IYD: variants seen among roughly 807,000 people sequenced by gnomAD.
The protein encoded by IYD is iodotyrosine deiodinase 1.
In IYD, 25 loss-of-function variants were observed where a neutral mutation model predicts 28.4. The ratio of observed to expected loss-of-function variants is 0.88; its 90% CI spans 0.64 to 1.23. The LOEUF is 1.23. Ranked by LOEUF, IYD falls within the 50% of genes most tolerant of loss-of-function variation. The pLI, the probability that IYD is intolerant of heterozygous loss-of-function variation, is 0.00. For synonymous variants in IYD, 140 were observed against 130.8 expected, an observed-to-expected ratio of 1.07 and a Z score of -0.48; for missense variants, 352 against 357.9, an observed-to-expected ratio of 0.98 and a Z score of 0.13.
In IYD at chr6:150,389,479, A is replaced by C; in HGVS notation, c.306A>C (p.Ser102=). 3 of 1,614,078 alleles carry C rather than the reference A, an allele frequency of 1.9e-6. No homozygotes were observed. Among genetic ancestry groups the C allele is most frequent in the East Asian group, 2.2e-5 (1 of 44,858 alleles). The change falls in exon 2 of 5, where the codon TCA becomes TCC. Residue 102 remains serine (S), a synonymous_variant. Coordinates refer to ENST00000344419, the MANE Select transcript of IYD (RefSeq NM_203395.3). ...EFYELLNKRR[S]VRFISNEQVP... ...ATGAACTTCTCAATAAGAGACGGTCAGTCAGGTTCATAAGTAATGAGCAAG... is the reference window on the plus strand; with the variant it reads ...ATGAACTTCTCAATAAGAGACGGTCCGTCAGGTTCATAAGTAATGAGCAAG...
chr6:150,370,114 G>A, intron 1 of IYD: 1 of 691,302 alleles, frequency 1.4e-6, no homozygotes, highest in South Asian at 1.5e-5. Context: ...TCTTCAGCTG[G>A]GCTAATGATG....
At chr6:150,382,589 T>G (rs949234188) in intron 1 of IYD, among the ~76,000 whole-genome samples, 7 of 151,260 alleles carry the variant, frequency 4.6e-5, no homozygotes, top group Non-Finnish European at 1.0e-4. Flanking sequence ...TCCAATTAAA[T>G]GGTTAGACCT....
chr6:150,404,919 G>T lies in IYD; in HGVS notation c.*6682G>T, dbSNP rs542674616. The stretch of plus-strand genomic sequence containing the variant: ...ATGAAGTTAGTGCCAAAGTCTCAGT[G>T]GTTCTCTTGGTCTTTCTTCATAACC... On this transcript the variant is annotated 3_prime_UTR_variant, in exon 5 of 5. Transcript: ENST00000344419. 6.6e-6 allele frequency: 1 copy of T among 152,140 alleles called. No individual in the cohort carries two copies. The highest frequency in any genetic ancestry group is 1.5e-5 in the Non-Finnish European group (1 of 68,032). The allele number at this position is 152,140 out of a possible 1,614,324, so 9.4% of individuals were successfully genotyped here.
chr6:150,393,745 T>C (rs1368346923), intron 3 of IYD, among the ~76,000 whole-genome samples: 1 of 152,224 alleles, frequency 6.6e-6, no homozygotes, highest in East Asian at 1.9e-4. Flanking sequence ...TATAACTGGG[T>C]GAACAGCATT....
Position 150,389,430 on chromosome 6 carries a change from T to A in IYD, c.257T>A (p.Met86Lys). The A allele has an allele frequency of 1.2e-6, 2 of 1,613,572 alleles. No homozygotes were observed. The highest frequency in any genetic ancestry group is 1.7e-6 in the Non-Finnish European group (2 of 1,179,596). The change falls in exon 2 of 5, where the codon ATG becomes AAG. Residue 86 changes from methionine to lysine, a missense_variant. By Grantham distance (95) the Met-to-Lys change is moderately conservative. Coordinates refer to ENST00000344419, the MANE Select transcript of IYD (RefSeq NM_203395.3). ...CATAACCACTATCCTGAGAAGGAAATGGTTAAGAGGTCTCAGGAATTTTAT... is the reference window on the plus strand; with the variant it reads ...CATAACCACTATCCTGAGAAGGAAAAGGTTAAGAGGTCTCAGGAATTTTAT... ...FSHNHYPEKE[M>K]VKRSQEFYEL...
intron 1 of IYD, among the ~76,000 whole-genome samples, chr6:150,379,610 G>C (rs968764315): frequency 6.6e-6 from 1 of 152,188 alleles, no homozygotes; most frequent in Admixed American, 6.5e-5. Flanking sequence ...TAAGGTTATT[G>C]TTCCAAAGAG....
intron 1 of IYD, among the ~76,000 whole-genome samples, chr6:150,379,545 A>G (rs771086896): frequency 1.3e-5 from 2 of 152,224 alleles, no homozygotes; most frequent in Admixed American, 6.5e-5. Flanking sequence ...GAGTGATTAC[A>G]GTTTGTAATT....
chr6:150,369,234 A>C, intron 1 of IYD, 25 bp downstream of exon 1: 2 of 1,607,450 alleles, frequency 1.2e-6, no homozygotes, highest in Non-Finnish European at 1.7e-6. Flanking sequence ...TATGCTGCTT[A>C]GCTTCGCTGT....
intron 1 of IYD, among the ~76,000 whole-genome samples, chr6:150,375,846 G>A (rs1478266353): frequency 6.6e-6 from 1 of 152,058 alleles, no homozygotes; most frequent in Non-Finnish European, 1.5e-5. Flanking sequence ...CACTCCTCAA[G>A]GCTTCCAAAA....
chr6:150,396,029 C>A (rs562945915), intron 4 of IYD: 2 of 250,190 alleles, frequency 8.0e-6, no homozygotes, highest in East Asian at 8.0e-5. Flanking sequence ...AATATACAAG[C>A]CTTTATTAAT....
At chr6:150,392,594 T>C in intron 3 of IYD, 90 bp downstream of exon 3, 3 of 1,324,496 alleles carry the variant, frequency 2.3e-6, no homozygotes, top group South Asian at 2.5e-5. Flanking sequence ...GTTGTAAGCG[T>C]GAAAAAGCTT....
chr6:150,379,043 T>TG (rs1777554022), intron 1 of IYD, among the ~76,000 whole-genome samples: 1 of 152,222 alleles, frequency 6.6e-6, no homozygotes, highest in Admixed American at 6.5e-5. Flanking sequence ...TGCACTTGAA[T>TG]GGCTTGCAGC....
At chr6:150,376,624 T>G (rs1242139708) in intron 1 of IYD, among the ~76,000 whole-genome samples, 1 of 151,196 alleles carries the variant, frequency 6.6e-6, no homozygotes, top group East Asian at 1.9e-4. Flanking sequence ...TTTCTTCATC[T>G]TCTTCTTTTC....
rs560918739 is a variant in IYD, at chr6:150,390,228, C to T, written c.370+685C>T. Among the ~76,000 whole-genome samples the T allele has an allele frequency of 2.6e-3, 403 of 152,192 alleles. 3 individuals carry two copies. The highest frequency in any genetic ancestry group is 0.017 in the Middle Eastern group (5 of 292). ...CACATGCCCGTTATTAATCTATTGT[C>T]CAATGTGAAAGGAAGCAAGAATAAA... On this transcript the variant is annotated intron_variant, in intron 2 of 4. Transcript: ENST00000344419.
rs570853163 is a variant in IYD at position 150,392,212 on chromosome 6, C to A, written c.371-133C>A. On this transcript the variant is annotated intron_variant, in intron 2 of 4. Coordinates refer to ENST00000344419, the MANE Select transcript of IYD (RefSeq NM_203395.3). The stretch of plus-strand genomic sequence containing the variant: ...CCCTGCTAGTTAAAAAAAAAAAAAT[C>A]TGCAAAATTTTGTTTGATCCTCCAG... 64 of 1,416,518 alleles carry A rather than the reference C, an allele frequency of 4.5e-5. No individual in the cohort carries two copies. The Middle Eastern group carries it at 1.5e-3, about 34-fold the overall frequency. 87.7% of individuals were successfully genotyped at this position (1,416,518 alleles called of 1,614,324 possible).
intron 1 of IYD, among the ~76,000 whole-genome samples, chr6:150,371,338 CAGAGA>C (rs1777233456): frequency 1.3e-5 from 2 of 152,186 alleles, no homozygotes; most frequent in Non-Finnish European, 2.9e-5. Context: ...AAGGTGATTG[CAGAGA>C]TAGGACCCAA....
At chr6:150,396,873 CAAAA>C (rs59328359) in intron 4 of IYD, 14,198 of 109,892 alleles carry the variant, frequency 0.13, 1,084 homozygotes, top group East Asian at 0.35. Context: ...GACTCCGTCT[CAAAA>C]AAAAAAAAAA....
At position 150,396,746 on chromosome 6, in the gene IYD, C is replaced by T. The variant is rs986167956; in HGVS notation, c.688-1309C>T. 90 of 229,590 alleles carry T rather than the reference C, an allele frequency of 3.9e-4. 1 individual carries two copies. Among genetic ancestry groups the T allele is most frequent in the African/African-American group, 1.7e-3 (74 of 43,290 alleles). The allele number at this position is 229,590 out of a possible 1,614,324, so 14.2% of individuals were successfully genotyped here. Reference sequence around the variant, plus strand: ...AAAATGAGCCAGGCGTGGTGGCGGGCGCCTGTAGTCCCAGCTACTCGGGAG... The same window carrying T: ...AAAATGAGCCAGGCGTGGTGGCGGGTGCCTGTAGTCCCAGCTACTCGGGAG... On this transcript the variant is annotated intron_variant, in intron 4 of 4. Transcript: ENST00000344419.
At chr6:150,372,843 C>A (rs935807185) in intron 1 of IYD, among the ~76,000 whole-genome samples, 2 of 152,008 alleles carry the variant, frequency 1.3e-5, no homozygotes, top group Non-Finnish European at 2.9e-5. Flanking sequence ...TGCAAACCAG[C>A]CAAGGTTGGT....
Sources: gnomAD v4.1 joint callset for allele counts (sites outside exome capture counted in the v4.1 genomes callset) on GRCh38, gnomAD v4.1.1 for gene constraint, MANE v1.5 for transcripts, NCBI Gene and HGNC (gene_info 2026-07-23, HGNC 2026-07-21) for gene names.